The following CDH12 variants were observed in gnomAD, a reference collection of about 807,000 sequenced individuals.
CDH12 encodes the protein cadherin 12.
A neutral mutation model predicts 74.1 loss-of-function variants in CDH12; 41 were observed. The observed-to-expected ratio is 0.55, with a 90% confidence interval of 0.43 to 0.72. The LOEUF is 0.72. Among genes scored for constraint, CDH12 ranks in the 30% least tolerant of loss-of-function variants. The pLI, the probability that CDH12 is intolerant of heterozygous loss-of-function variation, is 0.00. For synonymous variants in CDH12, 399 were observed against 355.0 expected (o/e 1.12, Z -1.39); for missense variants, 945 against 977.2 (o/e 0.97, Z 0.44).
intron 3 of CDH12, among the ~76,000 whole-genome samples, chr5:22,376,978 C>G (rs1316741551): frequency 6.6e-6 from 1 of 151,976 alleles, no homozygotes; most frequent in African/African-American, 2.4e-5. Flanking sequence ...TTATTAAAGA[C>G]AGGGTATTAG....
intron 1 of CDH12, among the ~76,000 whole-genome samples, chr5:22,726,479 A>T (rs1489505057): frequency 1.3e-5 from 2 of 151,756 alleles, no homozygotes; most frequent in Non-Finnish European, 3.0e-5. Flanking sequence ...AATTCCAAGA[A>T]GTGTGATTGC....
intron 4 of CDH12, among the ~76,000 whole-genome samples, chr5:22,119,190 A>T (rs1488400919): frequency 1.3e-5 from 2 of 151,810 alleles, no homozygotes; most frequent in Non-Finnish European, 2.9e-5. Context: ...TCTTCTTACT[A>T]TAAAGTTGTG....
chr5:22,470,044 G>T (rs902972057), intron 2 of CDH12, among the ~76,000 whole-genome samples: 3 of 152,112 alleles, frequency 2.0e-5, no homozygotes, highest in African/African-American at 7.2e-5. Flanking sequence ...AGTTAACCCT[G>T]GCAGAGGTGA....
At chr5:21,939,390 G>A (rs1579991881) in intron 6 of CDH12, among the ~76,000 whole-genome samples, 1 of 151,570 alleles carries the variant, frequency 6.6e-6, no homozygotes, top group Non-Finnish European at 1.5e-5. Flanking sequence ...GCTAATTAAA[G>A]CTTAATAAGA....
intron 2 of CDH12, among the ~76,000 whole-genome samples, chr5:22,437,821 C>G (rs796921632): frequency 3.8e-4 from 58 of 151,944 alleles, no homozygotes; most frequent in African/African-American, 1.3e-3. Context: ...CTAGTATAAC[C>G]AAAGTTTAGA....
At chr5:22,608,207 C>T (rs1323352723) in intron 1 of CDH12, among the ~76,000 whole-genome samples, 5 of 152,176 alleles carry the variant, frequency 3.3e-5, no homozygotes, top group Non-Finnish European at 7.3e-5. Flanking sequence ...CTATTCCCTG[C>T]AAAGCCACAG....
intron 6 of CDH12, among the ~76,000 whole-genome samples, chr5:21,901,321 C>G (rs1294682698): frequency 6.6e-6 from 1 of 152,122 alleles, no homozygotes; most frequent in Non-Finnish European, 1.5e-5. Context: ...AAGTGCACCT[C>G]TGATAATTAT....
chr5:22,187,986 T>C (rs1323217236), intron 4 of CDH12, among the ~76,000 whole-genome samples: 1 of 152,024 alleles, frequency 6.6e-6, no homozygotes, highest in Admixed American at 6.6e-5. Flanking sequence ...GAACTCTTTT[T>C]ATGAGTGTTA....
chr5:22,269,835 A>G (rs187315838), intron 3 of CDH12, among the ~76,000 whole-genome samples: 1 of 152,328 alleles, frequency 6.6e-6, no homozygotes, highest in African/African-American at 2.4e-5. Flanking sequence ...AAAAATACAG[A>G]CATTTGTACC....
In CDH12 at chr5:21,751,893, C is replaced by T. The variant is rs1161859677; in HGVS notation, c.2229G>A (p.Gly743=). ...TGAGGGACTCTGCCACGGACCCACT[C>T]CCTTCGTAGGCATATGTGGCCAGTG... ...YDSLATYAYE[G]SGSVAESLSS... The change falls in exon 15 of 15, where the codon GGG becomes GGA. Residue 743 remains glycine, a synonymous_variant. Transcript: ENST00000382254. 2 of 1,614,020 alleles carry T rather than the reference C, an allele frequency of 1.2e-6. No homozygotes were observed. Among genetic ancestry groups the T allele is most frequent in the Admixed American group, 3.3e-5 (2 of 59,982 alleles).
intron 3 of CDH12, among the ~76,000 whole-genome samples, chr5:22,315,119 C>CTTTTTTTTTTGTTTTT (rs1738571080): frequency 4.3e-5 from 1 of 22,994 alleles, no homozygotes; most frequent in South Asian, 4.2e-3. Context: ...GCCTGCCTGG[C>CTTTTTTTTTTGTTTTT]TTTTTTTTTT....
chr5:22,590,720 A>G (rs1435495965), intron 1 of CDH12, among the ~76,000 whole-genome samples: 12 of 152,074 alleles, frequency 7.9e-5, no homozygotes. Context: ...TTCAATAGCA[A>G]TTAAACCCTG....
intron 3 of CDH12, among the ~76,000 whole-genome samples, chr5:22,346,055 G>A (rs1252441856): frequency 2.1e-5 from 3 of 143,818 alleles, no homozygotes; most frequent in South Asian, 4.4e-4. Flanking sequence ...GCAGTGAGCC[G>A]AAGTCGCACC....
intron 11 of CDH12, among the ~76,000 whole-genome samples, chr5:21,782,586 T>A: frequency 6.6e-6 from 1 of 152,126 alleles, no homozygotes; most frequent in East Asian, 1.9e-4. Flanking sequence ...TGGAAGAGAT[T>A]CAGTTGAGAT....
intron 1 of CDH12, among the ~76,000 whole-genome samples, chr5:22,532,350 G>GATATAT (rs71609770): frequency 0.043 from 1,185 of 27,504 alleles, 229 homozygotes; most frequent in African/African-American, 0.11. Flanking sequence ...ATATAAATAG[G>GATATAT]ATATATATAT....
At chr5:22,018,198 AAC>A (rs1363023887) in intron 5 of CDH12, among the ~76,000 whole-genome samples, 2 of 152,188 alleles carry the variant, frequency 1.3e-5, no homozygotes, top group African/African-American at 4.8e-5. Flanking sequence ...ACAGAAACTA[AAC>A]AGAGTTTTGA....
intron 6 of CDH12, among the ~76,000 whole-genome samples, chr5:21,896,818 T>C (rs1019500532): frequency 1.3e-5 from 2 of 152,206 alleles, no homozygotes; most frequent in African/African-American, 4.8e-5. Flanking sequence ...AAATCTGTGG[T>C]AGCTTATCCC....
chr5:22,364,272 A>C (rs772311414), intron 3 of CDH12, among the ~76,000 whole-genome samples: 3 of 150,976 alleles, frequency 2.0e-5, no homozygotes, highest in Non-Finnish European at 3.0e-5. Flanking sequence ...AGGGAAGTCC[A>C]TGTGCCCTTA....
intron 4 of CDH12, among the ~76,000 whole-genome samples, chr5:22,179,611 T>C (rs1295748920): frequency 2.0e-5 from 3 of 152,316 alleles, no homozygotes; most frequent in East Asian, 1.9e-4. Flanking sequence ...TTTTAGCTGA[T>C]GGTACATAGC....
Sources: allele counts gnomAD v4.1 joint callset (sites outside exome capture counted in the v4.1 genomes callset), GRCh38; gene constraint gnomAD v4.1.1; transcripts MANE v1.5; gene names NCBI Gene and HGNC (gene_info 2026-07-23, HGNC 2026-07-21).